Variants in OSMR observed in about 807,000 individuals in gnomAD.
The protein encoded by OSMR is oncostatin-M-specific receptor subunit beta.
A neutral mutation model predicts 99.9 loss-of-function variants in OSMR; 81 were observed. The observed-to-expected ratio is 0.81, with a 90% CI of 0.68 to 0.97. OSMR has a LOEUF of 0.97. Ranked by LOEUF, OSMR falls within the 50% of genes least tolerant of loss-of-function variation. The pLI is 0.00. For synonymous variants in OSMR, 406 were observed against 410.4 expected (o/e 0.99, Z 0.13); for missense variants, 1,099 against 1,153.4 (o/e 0.95, Z 0.68).
chr5:38,883,736 A>G (rs1013142545), intron 4 of OSMR, 91 bp from the exon 5 acceptor site: 3 of 1,603,896 alleles, frequency 1.9e-6, no homozygotes, highest in Non-Finnish European at 1.7e-6. Flanking sequence ...AGAAAAAGCT[A>G]AAGTTATCTG....
chr5:38,898,715 A>G (rs1040180609), intron 7 of OSMR, among the ~76,000 whole-genome samples: 2 of 150,080 alleles, frequency 1.3e-5, no homozygotes, highest in Admixed American at 6.6e-5. Context: ...AGTGCAGGTG[A>G]TTTTTCTCTG....
intron 9 of OSMR, among the ~76,000 whole-genome samples, chr5:38,917,102 G>C (rs778827674): frequency 3.9e-4 from 59 of 152,054 alleles, no homozygotes; most frequent in Admixed American, 1.9e-3. Context: ...GCCAGCCGTG[G>C]GTATCATGAA....
chr5:38,937,571 A>G (rs1310477445), downstream of OSMR, among the ~76,000 whole-genome samples: 2 of 152,200 alleles, frequency 1.3e-5, no homozygotes, highest in Non-Finnish European at 2.9e-5. This position sits in a 1 kb window ranked among gnomAD's most constrained non-coding sequence, Gnocchi z 4.0. Context: ...ATATCAGGGC[A>G]GTTTATGTGT....
chr5:38,894,924 A>G (rs1377425902), intron 7 of OSMR, among the ~76,000 whole-genome samples: 1 of 152,030 alleles, frequency 6.6e-6, no homozygotes, highest in Non-Finnish European at 1.5e-5. Flanking sequence ...ATCTGCACAC[A>G]AAATATACTG....
intron 1 of OSMR, among the ~76,000 whole-genome samples, chr5:38,862,288 G>GA (rs1741473592): frequency 9.9e-6 from 1 of 101,408 alleles, no homozygotes; most frequent in African/African-American, 4.1e-5. Context: ...TGGCTGGGCG[G>GA]GGGGCTGACC....
At chr5:38,912,957 C>T (rs1195554036) in intron 9 of OSMR, among the ~76,000 whole-genome samples, 3 of 152,036 alleles carry the variant, frequency 2.0e-5, no homozygotes, top group South Asian at 2.1e-4. Context: ...AATGTAAGAC[C>T]TCAAACTATA....
chr5:38,921,737 G>A lies in OSMR; in HGVS notation c.1708G>A (p.Gly570Ser), dbSNP rs780239020. 1.8e-5 allele frequency: 29 copies of A among 1,613,918 alleles called. No homozygotes were observed. The Admixed American group carries it at 2.0e-4, about 11-fold the overall frequency. The change falls in exon 12 of 18, where the codon GGT (glycine) becomes AGT (serine). Residue 570 changes from glycine (G) to serine (S), a missense_variant. Physicochemically the swap from Gly to Ser is moderately conservative, Grantham distance 56. Coordinates refer to ENST00000274276, the MANE Select transcript of OSMR (RefSeq NM_003999.3). ...GTGTGACCATACCCAGGATGTGCTC[G>A]GTGATTTCCAGTGGAAGAATGTAGG... ...DWCDHTQDVLGDFQWKNVGPN... is the reference protein window; with the variant it reads ...DWCDHTQDVLSDFQWKNVGPN...
intron 11 of OSMR, among the ~76,000 whole-genome samples, chr5:38,920,846 A>G (rs1413732312): frequency 6.6e-6 from 1 of 152,222 alleles, no homozygotes; most frequent in Non-Finnish European, 1.5e-5. Context: ...AGGCCATGTT[A>G]TCCTTTTTCC....
At chr5:38,863,668 G>C (rs1200049785) in intron 1 of OSMR, among the ~76,000 whole-genome samples, 1 of 152,146 alleles carries the variant, frequency 6.6e-6, no homozygotes, top group Non-Finnish European at 1.5e-5. Flanking sequence ...ATGTCTGTTA[G>C]GTCCATTTGG....
At chr5:38,890,944 A>T (rs1161774090) in intron 7 of OSMR, among the ~76,000 whole-genome samples, 6 of 152,162 alleles carry the variant, frequency 3.9e-5, no homozygotes, top group Non-Finnish European at 8.8e-5. Context: ...TACTGGGGGA[A>T]TCCCATTCTA....
intron 1 of OSMR, among the ~76,000 whole-genome samples, chr5:38,863,016 C>T (rs1020600253): frequency 2.5e-4 from 38 of 152,062 alleles, no homozygotes; most frequent in Non-Finnish European, 4.0e-4. Context: ...GTACAAAAAC[C>T]AGTCAGGCGT....
At chr5:38,945,390 G>T, downstream of OSMR, 2 of 761,870 alleles carry the variant, frequency 2.6e-6, no homozygotes, top group South Asian at 1.8e-5. Flanking sequence ...CTCACCAGCT[G>T]GGAAACTCTG....
Position 38,904,412 on chromosome 5 carries a change from A to G in OSMR, c.1194A>G (p.Thr398=), listed in dbSNP as rs193162423. The change falls in exon 9 of 18, where the codon ACA becomes ACG. Residue 398 remains threonine, a synonymous_variant. Transcript: ENST00000274276. ...TCTTAAGTGAACTGGAACCTGCCAC[A>G]GAGTACATGGCGCGAGTACGGTGTG... is the stretch of plus-strand genomic sequence containing the variant. ...EYFLSELEPA[T]EYMARVRCAD... is the part of the protein sequence containing the mutation. 249 of 1,614,186 alleles carry G rather than the reference A, an allele frequency of 1.5e-4. No homozygotes were observed. In the East Asian group the frequency reaches 5.3e-3, roughly 34 times the overall value.
rs1350116498 is a variant in OSMR, at chr5:38,934,419, A to T, written c.*975A>T. ...CCTCATTGTTGGACATAATTTAGAT[A>T]TAACTAAAAAGTTCTATGAAGTGGG... On this transcript the variant is annotated 3_prime_UTR_variant, in exon 18 of 18. Transcript: ENST00000274276. 1 of 152,244 alleles carries T rather than the reference A, an allele frequency of 6.6e-6. No individual in the cohort carries two copies. The allele number at this position is 152,244 out of a possible 1,614,324, so 9.4% of individuals were successfully genotyped here. A position where few individuals can be genotyped will look rare whatever the true frequency, so the allele number is the denominator to read the frequency against.
Position 38,919,326 on chromosome 5 carries a change from T to C in OSMR, c.1585+264T>C, listed in dbSNP as rs1296265220. On this transcript the variant is annotated intron_variant, in intron 11 of 17. Coordinates refer to ENST00000274276, the MANE Select transcript of OSMR (RefSeq NM_003999.3). The stretch of plus-strand genomic sequence containing the variant: ...AACATACATGGGAAATTATCTCAAA[T>C]TTATTCAAGTAACTGCAACCCTAAC... 6 of 1,423,466 alleles carry C rather than the reference T, an allele frequency of 4.2e-6. No individual in the cohort carries two copies. The South Asian group carries it at 4.9e-5, about 12-fold the overall frequency. 88.2% of individuals were successfully genotyped at this position (1,423,466 alleles called of 1,614,324 possible). A position where few individuals can be genotyped will look rare whatever the true frequency, so the allele number is the denominator to read the frequency against.
intron 1 of OSMR, among the ~76,000 whole-genome samples, chr5:38,862,723 G>A: frequency 6.6e-6 from 1 of 151,394 alleles, no homozygotes; most frequent in South Asian, 2.1e-4. Flanking sequence ...AGATGGGATG[G>A]CGGCCGGGAA....
At chr5:38,879,837 C>T (rs112391328) in intron 3 of OSMR, among the ~76,000 whole-genome samples, 2,839 of 151,836 alleles carry the variant, frequency 0.019, 80 homozygotes, top group African/African-American at 0.056. Flanking sequence ...TTGGTCAGAC[C>T]GGTCTCAAAC....
chr5:38,857,966 C>A (rs1048554967), intron 1 of OSMR, among the ~76,000 whole-genome samples: 1 of 152,028 alleles, frequency 6.6e-6, no homozygotes, highest in African/African-American at 2.4e-5. Context: ...CCATGCCCAG[C>A]CTCTTCCAGC....
chr5:38,914,151 C>G (rs143311996), intron 9 of OSMR, among the ~76,000 whole-genome samples: 1 of 152,286 alleles, frequency 6.6e-6, no homozygotes, highest in East Asian at 1.9e-4. Flanking sequence ...GACTGAAGGA[C>G]TTTAACAAGA....
Sources: gnomAD v4.1 joint callset for allele counts (sites outside exome capture counted in the v4.1 genomes callset) on GRCh38, gnomAD v4.1.1 for gene constraint, Gnocchi (gnomAD v3.1) non-coding constraint, MANE v1.5 for transcripts, NCBI Gene and HGNC (gene_info 2026-07-23, HGNC 2026-07-21) for gene names.